The following DCAF12 variants were observed in gnomAD, a reference collection of about 807,000 sequenced individuals.
The protein encoded by DCAF12 is DDB1 and CUL4 associated factor 12.
A neutral mutation model predicts 52.8 loss-of-function variants in DCAF12; 28 were observed. The ratio of observed to expected loss-of-function variants is 0.53; its 90% CI spans 0.39 to 0.73. The LOEUF is 0.73. Among genes scored for constraint, DCAF12 ranks in the 30% least tolerant of loss-of-function variants. The pLI is 0.00. For missense variants in DCAF12, 425 were observed against 552.2 expected (o/e 0.77, Z 2.31); for synonymous variants, 196 against 215.5 (o/e 0.91, Z 0.79).
intron 3 of DCAF12, 27 bp from the exon 4 acceptor site, chr9:34,106,521 A>G (rs764063868): frequency 6.3e-7 from 1 of 1,578,066 alleles, no homozygotes; most frequent in Non-Finnish European, 8.7e-7. Context: ...TAACAGGTAC[A>G]GGGAGGAAAA....
intron 7 of DCAF12, among the ~76,000 whole-genome samples, chr9:34,092,683 T>A (rs1828663690): frequency 7.4e-6 from 1 of 135,206 alleles, no homozygotes; most frequent in Non-Finnish European, 1.6e-5. Flanking sequence ...AGACTCTGTC[T>A]CAAAAAAAAA....
At chr9:34,107,250 TG>T in intron 3 of DCAF12, 108 bp downstream of exon 3, 2 of 1,040,690 alleles carry the variant, frequency 1.9e-6, no homozygotes, top group Non-Finnish European at 3.0e-6. Flanking sequence ...CTGTGCCCTA[TG>T]GGGAGTCCAG....
At chr9:34,096,852 G>C in intron 5 of DCAF12, 71 bp from the exon 6 acceptor site, 1 of 1,429,996 alleles carries the variant, frequency 7.0e-7, no homozygotes, top group South Asian at 1.2e-5. Context: ...AGCAGGCGAG[G>C]ATTCTAAGGT....
intron 4 of DCAF12, among the ~76,000 whole-genome samples, chr9:34,100,669 A>AT (rs554051217): frequency 0.15 from 19,857 of 135,688 alleles, 1,513 homozygotes; most frequent in South Asian, 0.33. Context: ...TAATTTTTGC[A>AT]TTTTTTTTTT....
In DCAF12 at chr9:34,088,261, C is replaced by G. The variant is rs1828590506; in HGVS notation, c.*89G>C. On this transcript the variant is annotated 3_prime_UTR_variant, in exon 9 of 9. Transcript: ENST00000361264. ...TGGTGTTCCCACTAAAACACAAGAG[C>G]CTCACACAATTAGGAAAAAAAAAAT... is the stretch of plus-strand genomic sequence containing the variant. 6 of 1,425,620 alleles carry G rather than the reference C, an allele frequency of 4.2e-6. 1 individual carries two copies. The highest frequency in any genetic ancestry group is 5.6e-6 in the Non-Finnish European group (6 of 1,068,160). 88.3% of individuals were successfully genotyped at this position (1,425,620 alleles called of 1,614,324 possible).
intron 4 of DCAF12, among the ~76,000 whole-genome samples, chr9:34,101,727 G>T (rs371288645): frequency 1.6e-4 from 24 of 151,788 alleles, no homozygotes; most frequent in African/African-American, 5.8e-4. Flanking sequence ...GTTCTAGACC[G>T]TTCTTTATTA....
rs116939720 is a variant in DCAF12, at chr9:34,094,130, C to T, written c.862-682G>A. Reference sequence around the variant, plus strand: ...GATAAGAAGAAGAGAAAAAGCTGGGCGTGGTGGCTAACGTCTGTAATCCCA... The same window carrying T: ...GATAAGAAGAAGAGAAAAAGCTGGGTGTGGTGGCTAACGTCTGTAATCCCA... On this transcript the variant is annotated intron_variant, in intron 6 of 8. Transcript: ENST00000361264. 2.6e-5 allele frequency among the ~76,000 whole-genome samples: 4 copies of T among 152,216 alleles called. No individual in the cohort carries two copies. In the South Asian group the frequency reaches 6.2e-4, roughly 24 times the overall value.
chr9:34,091,011 T>C (rs1828634231), intron 7 of DCAF12, among the ~76,000 whole-genome samples: 1 of 152,052 alleles, frequency 6.6e-6, no homozygotes, highest in African/African-American at 2.4e-5. Flanking sequence ...TGTTCTAAAA[T>C]GTAAGCATTT....
chr9:34,124,919 T>C (rs1829223553), intron 2 of DCAF12, 104 bp downstream of exon 2: 4 of 1,420,454 alleles, frequency 2.8e-6, no homozygotes, highest in Non-Finnish European at 3.8e-6. Context: ...GTAAGGCAAG[T>C]CCCTCCTAAA....
At chr9:34,117,432 G>C (rs2131441853) in intron 2 of DCAF12, among the ~76,000 whole-genome samples, 1 of 151,774 alleles carries the variant, frequency 6.6e-6, no homozygotes, top group Non-Finnish European at 1.5e-5. Context: ...TTACAGGTGT[G>C]AGCCACCGCG....
chr9:34,107,251 G>A (rs1828917606), intron 3 of DCAF12, 108 bp downstream of exon 3: 3 of 1,047,888 alleles, frequency 2.9e-6, no homozygotes, highest in Non-Finnish European at 4.4e-6. Context: ...TGTGCCCTAT[G>A]GGGAGTCCAG....
rs981931956 is a variant in DCAF12, at chr9:34,122,315, A to T, written c.333+2708T>A. Among the ~76,000 whole-genome samples, 5 of 152,284 alleles carry T rather than the reference A, an allele frequency of 3.3e-5. No individual in the cohort carries two copies. In the South Asian group the frequency reaches 1.0e-3, roughly 32 times the overall value. ...TTTCCCATGATAATGTAACAATTTC[A>T]ATAATTCCTTCTACATAAATGACTG... On this transcript the variant is annotated intron_variant, in intron 2 of 8. Transcript: ENST00000361264.
intron 4 of DCAF12, among the ~76,000 whole-genome samples, chr9:34,104,490 A>C (rs921933725): frequency 6.6e-6 from 1 of 152,240 alleles, no homozygotes; most frequent in African/African-American, 2.4e-5. Context: ...CTCATCTTAC[A>C]GATACTAGAA....
At chr9:34,099,978 T>G (rs1279804295) in intron 4 of DCAF12, among the ~76,000 whole-genome samples, 2 of 152,108 alleles carry the variant, frequency 1.3e-5, no homozygotes, top group Non-Finnish European at 2.9e-5. Flanking sequence ...GGCTTGGGAA[T>G]CCTCCCCTCT....
intron 4 of DCAF12, among the ~76,000 whole-genome samples, chr9:34,102,816 C>T (rs1346438791): frequency 6.6e-6 from 1 of 152,098 alleles, no homozygotes; most frequent in African/African-American, 2.4e-5. Flanking sequence ...TGGCTCACGA[C>T]TGTAATCGCA....
At chr9:34,110,279 C>T (rs1828978418) in intron 2 of DCAF12, among the ~76,000 whole-genome samples, 1 of 152,134 alleles carries the variant, frequency 6.6e-6, no homozygotes, top group Admixed American at 6.6e-5. Flanking sequence ...TTCCTAACAC[C>T]ACCACTATCT....
At chr9:34,103,953 A>C (rs766482206) in intron 4 of DCAF12, among the ~76,000 whole-genome samples, 1 of 152,140 alleles carries the variant, frequency 6.6e-6, no homozygotes, top group Non-Finnish European at 1.5e-5. Flanking sequence ...CCACACTGCT[A>C]ATCTCCTGAA....
intron 2 of DCAF12, among the ~76,000 whole-genome samples, chr9:34,116,538 A>T (rs1465707810): frequency 6.6e-6 from 1 of 151,924 alleles, no homozygotes; most frequent in African/African-American, 2.4e-5. Flanking sequence ...AGCCGGGCAT[A>T]GTAGTGCGTA....
At chr9:34,125,302 G>A in intron 1 of DCAF12, 25 bp from the exon 2 acceptor site, 3 of 1,611,182 alleles carry the variant, frequency 1.9e-6, no homozygotes, top group South Asian at 1.1e-5. Context: ...TTAGAAATCA[G>A]GGCTTTGGCT....
Sources: allele counts gnomAD v4.1 joint callset (sites outside exome capture counted in the v4.1 genomes callset), GRCh38; gene constraint gnomAD v4.1.1; transcripts MANE v1.5; gene names NCBI Gene and HGNC (gene_info 2026-07-23, HGNC 2026-07-21).